The following FGD6 variants were observed in gnomAD, a reference collection of about 807,000 sequenced individuals.
The protein encoded by FGD6 is FYVE, RhoGEF and PH domain containing 6.
FGD6 carries 90 observed loss-of-function variants against 149.4 expected under a neutral mutation model. The ratio of observed to expected loss-of-function variants is 0.60; its 90% confidence interval spans 0.51 to 0.72. The LOEUF is 0.72. Ranked by LOEUF, FGD6 falls within the 30% of genes least tolerant of loss-of-function variation. The probability of loss-of-function intolerance (pLI) is 0.00; values close to 1 mark genes in which losing one functional copy is unlikely to be tolerated. For synonymous variants in FGD6, 527 were observed against 584.0 expected (o/e 0.90, Z 1.41); for missense variants, 1,437 against 1,684.8 (o/e 0.85, Z 2.57).
chr12:95,094,111 T>A (rs1209366283), intron 15 of FGD6, among the ~76,000 whole-genome samples: 17 of 147,050 alleles, frequency 1.2e-4, no homozygotes, highest in African/African-American at 4.3e-4. Flanking sequence ...GTGAGCTGAG[T>A]TTGCGCCATT....
chr12:95,135,672 G>T (rs377704446), intron 7 of FGD6, among the ~76,000 whole-genome samples: 1 of 152,166 alleles, frequency 6.6e-6, no homozygotes, highest in Non-Finnish European at 1.5e-5. Flanking sequence ...CTAACATAGC[G>T]CAAGTTGGTT....
At chr12:95,115,052 T>C (rs183768396) in intron 8 of FGD6, among the ~76,000 whole-genome samples, 15 of 152,354 alleles carry the variant, frequency 9.8e-5, no homozygotes, top group African/African-American at 3.6e-4. Context: ...AATTTCCATT[T>C]GAAAGAAACG....
At chr12:95,138,644 C>T (rs1397863430) in intron 6 of FGD6, among the ~76,000 whole-genome samples, 2 of 152,100 alleles carry the variant, frequency 1.3e-5, no homozygotes, top group African/African-American at 4.8e-5. Context: ...CCATTTCTCT[C>T]CCACCACACT....
intron 14 of FGD6, among the ~76,000 whole-genome samples, chr12:95,096,831 C>T (rs1878246305): frequency 6.6e-6 from 1 of 152,212 alleles, no homozygotes; most frequent in Non-Finnish European, 1.5e-5. Flanking sequence ...AGCCTCTGCT[C>T]ATGTTCTCTG....
chr12:95,217,045 T>A (rs773863676), intron 1 of FGD6, among the ~76,000 whole-genome samples, 180 bp downstream of exon 1: 9 of 152,122 alleles, frequency 5.9e-5, no homozygotes, highest in Non-Finnish European at 1.2e-4. Context: ...ACAGCCCCTC[T>A]GGGCAGGAAA....
intron 14 of FGD6, among the ~76,000 whole-genome samples, chr12:95,097,768 G>A (rs560850545): frequency 9.7e-4 from 147 of 152,142 alleles, no homozygotes; most frequent in African/African-American, 3.3e-3. Flanking sequence ...CATTCACTGG[G>A]AGCCTACTAA....
At chr12:95,147,655 C>A (rs6538607) in intron 5 of FGD6, among the ~76,000 whole-genome samples, 102,811 of 151,930 alleles carry the variant, frequency 0.68, 35,454 homozygotes, top group Middle Eastern at 0.8. Context: ...AGTACAAGGG[C>A]TCAGACAGAC....
chr12:95,187,241 G>A (rs933291081), intron 2 of FGD6, among the ~76,000 whole-genome samples: 1 of 151,662 alleles, frequency 6.6e-6, no homozygotes, highest in African/African-American at 2.4e-5. Context: ...TGAGGCAGGA[G>A]AATGGCATGA....
chr12:95,208,813 A>G (rs953177245), intron 2 of FGD6, 30 bp downstream of exon 2: 1 of 1,588,342 alleles, frequency 6.3e-7, no homozygotes, highest in Non-Finnish European at 8.6e-7. Flanking sequence ...GCAATGATGC[A>G]TGCAAAAGTG....
At position 95,210,270 on chromosome 12, in the gene FGD6, A is replaced by C. The variant is rs779214341; in HGVS notation, c.1014T>G (p.Thr338=). ...TACTGTCTGAATTCCCCGGTTCTTC[A>C]GTGCTTTCACTAGGAGTATCTACAC... ...QKCVDTPSES[T]EEPGNSDSSS... is the part of the protein sequence containing the mutation. The change falls in exon 2 of 21, where the codon ACT becomes ACG. Residue 338 remains threonine (T), a synonymous_variant. Coordinates refer to ENST00000343958, the MANE Select transcript of FGD6 (RefSeq NM_018351.4). 6.2e-7 allele frequency: 1 copy of C among 1,614,054 alleles called. No homozygotes were observed. The highest frequency in any genetic ancestry group is 1.7e-5 in the Admixed American group (1 of 60,014).
rs758082643 is a variant in FGD6 at position 95,085,833 on chromosome 12, G to A, written c.4054C>T (p.His1352Tyr). ...RSKGNKKPWKHFWFVIKNKVL... is the reference protein window; with the variant it reads ...RSKGNKKPWKYFWFVIKNKVL... ...TTATTTTTTATGACAAACCAAAAGT[G>A]TTTCCAGGGTTTTTTATTGCCCTTT... The change falls in exon 19 of 21, where the codon CAC (histidine) becomes TAC (tyrosine). Residue 1352 changes from histidine (H) to tyrosine (Y), a missense_variant. Coordinates refer to ENST00000343958, the MANE Select transcript of FGD6 (RefSeq NM_018351.4). 1 of 1,613,854 alleles carries A rather than the reference G, an allele frequency of 6.2e-7. No individual in the cohort carries two copies. The highest frequency in any genetic ancestry group is 1.1e-5 in the South Asian group (1 of 91,044).
At chr12:95,159,035 A>T (rs147995470) in intron 3 of FGD6, among the ~76,000 whole-genome samples, 1 of 152,332 alleles carries the variant, frequency 6.6e-6, no homozygotes, top group Non-Finnish European at 1.5e-5. Flanking sequence ...CTTTAAAGAA[A>T]TGCAGGCACA....
intron 3 of FGD6, among the ~76,000 whole-genome samples, chr12:95,162,727 A>G (rs534677627): frequency 2.6e-5 from 4 of 152,162 alleles, no homozygotes; most frequent in Non-Finnish European, 5.9e-5. Flanking sequence ...ATGACTCCAA[A>G]TCACCGTTTA....
intron 2 of FGD6, among the ~76,000 whole-genome samples, chr12:95,174,608 A>C (rs897593388): frequency 2.0e-5 from 3 of 152,176 alleles, no homozygotes; most frequent in African/African-American, 7.2e-5. Flanking sequence ...GATAGTTAGT[A>C]ATAGGGCTGT....
intron 2 of FGD6, among the ~76,000 whole-genome samples, chr12:95,179,830 G>A (rs548740930): frequency 1.5e-4 from 23 of 152,246 alleles, no homozygotes; most frequent in African/African-American, 5.3e-4. Flanking sequence ...TTACTAAACA[G>A]TTATTTAACA....
intron 2 of FGD6, among the ~76,000 whole-genome samples, chr12:95,195,456 C>T (rs924737998): frequency 4.0e-5 from 6 of 151,654 alleles, no homozygotes; most frequent in African/African-American, 7.3e-5. Context: ...AGGAAACAAG[C>T]GATGAAAGGC....
chr12:95,178,782 T>C (rs1881201118), intron 2 of FGD6, among the ~76,000 whole-genome samples: 1 of 152,078 alleles, frequency 6.6e-6, no homozygotes, highest in South Asian at 2.1e-4. Context: ...ATAAATAAAA[T>C]CACTAAAATA....
At chr12:95,156,146 G>A (rs763881995) in intron 3 of FGD6, among the ~76,000 whole-genome samples, 41 of 152,010 alleles carry the variant, frequency 2.7e-4, no homozygotes, top group Non-Finnish European at 5.6e-4. Flanking sequence ...ATAAAATCTG[G>A]GCACCTTGAA....
At chr12:95,183,219 C>T (rs1881334314) in intron 2 of FGD6, among the ~76,000 whole-genome samples, 1 of 152,228 alleles carries the variant, frequency 6.6e-6, no homozygotes, top group Non-Finnish European at 1.5e-5. Flanking sequence ...TCACAAGGAC[C>T]AGGTGCAGTG....
Sources: allele counts gnomAD v4.1 joint callset (sites outside exome capture counted in the v4.1 genomes callset), GRCh38; gene constraint gnomAD v4.1.1; transcripts MANE v1.5; gene names NCBI Gene and HGNC (gene_info 2026-07-23, HGNC 2026-07-21).